Variants in SNX24 observed in about 807,000 individuals in gnomAD.
SNX24 encodes the protein sorting nexin 24, also known as sorting nexin-24.
Under a neutral mutation model 28.7 loss-of-function variants are expected in SNX24, and 22 were observed. The observed-to-expected ratio is 0.77, with a 90% CI of 0.55 to 1.10. The LOEUF (loss-of-function observed/expected upper bound fraction) is 1.10, where lower values mean the gene tolerates loss of function less well. Among genes scored for constraint, SNX24 ranks in the 50% least tolerant of loss-of-function variants. The pLI is 0.00. For missense variants in SNX24, 221 were observed against 201.1 expected (o/e 1.10, Z -0.60); for synonymous variants, 69 against 71.5 (o/e 0.96, Z 0.18).
intron 6 of SNX24, among the ~76,000 whole-genome samples, chr5:123,003,352 C>T (rs993609194): frequency 3.2e-4 from 48 of 152,116 alleles, no homozygotes; most frequent in African/African-American, 1.1e-3. Flanking sequence ...CTCTCTGTAA[C>T]GTTTGCTTCT....
intron 1 of SNX24, among the ~76,000 whole-genome samples, chr5:122,916,896 A>C (rs1758195461): frequency 6.6e-6 from 1 of 152,146 alleles, no homozygotes; most frequent in South Asian, 2.1e-4. Flanking sequence ...TGTTCAGAAA[A>C]CTTCCTAGCT....
chr5:122,907,202 A>G (rs913220679), intron 1 of SNX24, among the ~76,000 whole-genome samples: 1 of 152,182 alleles, frequency 6.6e-6, no homozygotes, highest in Non-Finnish European at 1.5e-5. Flanking sequence ...TTTTAAAATG[A>G]GTATTTCATT....
chr5:122,941,143 C>T (rs1759427920), intron 2 of SNX24, among the ~76,000 whole-genome samples: 1 of 152,192 alleles, frequency 6.6e-6, no homozygotes, highest in Non-Finnish European at 1.5e-5. Context: ...GTCCTTCCCT[C>T]TCATGATAAC....
Position 123,009,098 on chromosome 5 carries a change from A to C in SNX24, c.*1349A>C. 1.0e-6 allele frequency: 1 copy of C among 985,728 alleles called. No homozygotes were observed. The highest frequency in any genetic ancestry group is 1.2e-6 in the Non-Finnish European group (1 of 829,774). The allele number at this position is 985,728 out of a possible 1,614,324, so 61.1% of individuals were successfully genotyped here. A position where few individuals can be genotyped will look rare whatever the true frequency, so the allele number is the denominator to read the frequency against. ...ACATGTGGGAAACAAGCAAGAACTA[A>C]ATAATCAAATGTTGTCAACCAAAAG... On this transcript the variant is annotated 3_prime_UTR_variant, in exon 7 of 7. Transcript: ENST00000261369.
intron 1 of SNX24, among the ~76,000 whole-genome samples, chr5:122,892,251 T>C (rs1757004707): frequency 6.6e-6 from 1 of 151,924 alleles, no homozygotes. Flanking sequence ...GCACACATTT[T>C]ATTTATATTT....
At chr5:122,984,116 T>C (rs1238475465) in intron 3 of SNX24, among the ~76,000 whole-genome samples, 1 of 152,238 alleles carries the variant, frequency 6.6e-6, no homozygotes, top group Non-Finnish European at 1.5e-5. Context: ...GATCCATCAC[T>C]CTTCTCTCTG....
At chr5:122,990,103 G>A (rs956621572) in intron 3 of SNX24, among the ~76,000 whole-genome samples, 10 of 152,252 alleles carry the variant, frequency 6.6e-5, no homozygotes, top group African/African-American at 2.2e-4. Context: ...TATAGCCTAT[G>A]AGCCATCTCC....
chr5:122,931,479 T>C (rs1286617462), intron 1 of SNX24, among the ~76,000 whole-genome samples: 1 of 152,188 alleles, frequency 6.6e-6, no homozygotes, highest in Admixed American at 6.5e-5. Context: ...TTCAACTTTT[T>C]ATAGTGGAAT....
chr5:122,985,597 A>G (rs1461368630), intron 3 of SNX24, among the ~76,000 whole-genome samples: 1 of 152,188 alleles, frequency 6.6e-6, no homozygotes, highest in Non-Finnish European at 1.5e-5. Context: ...ATTAGATGTT[A>G]TTATTGTTTC....
At chr5:122,931,377 ATGTGTTG>A (rs1172403254) in intron 1 of SNX24, among the ~76,000 whole-genome samples, 2 of 152,208 alleles carry the variant, frequency 1.3e-5, no homozygotes, top group Non-Finnish European at 2.9e-5. Context: ...TAAAAACTAT[ATGTGTTG>A]TGAATTAATA....
At chr5:122,900,741 C>T (rs1757404939) in intron 1 of SNX24, among the ~76,000 whole-genome samples, 2 of 151,922 alleles carry the variant, frequency 1.3e-5, no homozygotes, top group Admixed American at 1.3e-4. Context: ...TGCACTCCAG[C>T]CTGGGTGACA....
intron 1 of SNX24, among the ~76,000 whole-genome samples, chr5:122,857,868 C>T (rs949817176): frequency 3.9e-5 from 6 of 152,066 alleles, no homozygotes; most frequent in Admixed American, 1.3e-4. Context: ...CTGCAACCTC[C>T]GCCTCCTGGG....
chr5:122,971,179 G>A (rs246323), intron 3 of SNX24, among the ~76,000 whole-genome samples: 116,986 of 152,088 alleles, frequency 0.77, 45,877 homozygotes, highest in East Asian at 0.99. Context: ...AAAAGCTGAA[G>A]AACTTGGAGT....
intron 1 of SNX24, among the ~76,000 whole-genome samples, chr5:122,862,076 T>G (rs1247745936): frequency 6.6e-6 from 1 of 152,060 alleles, no homozygotes; most frequent in Non-Finnish European, 1.5e-5. Context: ...AGTTTGCCAG[T>G]TTGAGAAAGG....
At chr5:122,888,071 C>G (rs1376209024) in intron 1 of SNX24, among the ~76,000 whole-genome samples, 1 of 152,118 alleles carries the variant, frequency 6.6e-6, no homozygotes, top group Admixed American at 6.5e-5. Flanking sequence ...TTTCATTTGA[C>G]TTGCTTTTGA....
At chr5:123,025,580 T>C (rs1267632676) in intron 5 of SNX24, among the ~76,000 whole-genome samples, 1 of 152,194 alleles carries the variant, frequency 6.6e-6, no homozygotes, top group Non-Finnish European at 1.5e-5. Context: ...TAGTCCTTAA[T>C]TTCTCCTTGT....
intron 1 of SNX24, among the ~76,000 whole-genome samples, chr5:122,934,174 G>A (rs758838373): frequency 6.6e-6 from 1 of 152,130 alleles, no homozygotes; most frequent in Non-Finnish European, 1.5e-5. Flanking sequence ...TGCATTCTGT[G>A]CTGAGTGCTT....
chr5:123,001,704 A>G (rs762963701), intron 5 of SNX24, among the ~76,000 whole-genome samples: 2 of 152,224 alleles, frequency 1.3e-5, no homozygotes, highest in African/African-American at 2.4e-5. Flanking sequence ...CGTTTCAGCA[A>G]TGATTTATTG....
chr5:122,949,991 A>G (rs762320133), intron 3 of SNX24, among the ~76,000 whole-genome samples: 6 of 152,200 alleles, frequency 3.9e-5, no homozygotes, highest in Non-Finnish European at 8.8e-5. Flanking sequence ...TGTTTATTGA[A>G]TAAGAAATCA....
Sources: gnomAD v4.1 joint callset for allele counts (sites outside exome capture counted in the v4.1 genomes callset) on GRCh38, gnomAD v4.1.1 for gene constraint, MANE v1.5 for transcripts, NCBI Gene and HGNC (gene_info 2026-07-23, HGNC 2026-07-21) for gene names.